Variants in FMNL2 observed in about 807,000 individuals in gnomAD.
FMNL2 encodes the protein formin-like protein 2.
FMNL2 carries 51 observed loss-of-function variants against 130.2 expected under a neutral mutation model. The observed-to-expected ratio is 0.39, with a 90% CI of 0.31 to 0.49. The LOEUF (loss-of-function observed/expected upper bound fraction) is 0.49, where lower values mean the gene tolerates loss of function less well. Ranked by LOEUF, FMNL2 falls within the 20% of genes least tolerant of loss-of-function variation. The probability of loss-of-function intolerance (pLI) is 0.85; values close to 1 mark genes in which losing one functional copy is unlikely to be tolerated. For missense variants in FMNL2, 977 were observed against 1,316.2 expected, an observed-to-expected ratio of 0.74 and a Z score of 3.99; for synonymous variants, 465 against 467.1, an observed-to-expected ratio of 1.00 and a Z score of 0.06.
At chr2:152,460,395 C>T (rs1293470204) in intron 1 of FMNL2, among the ~76,000 whole-genome samples, 2 of 152,164 alleles carry the variant, frequency 1.3e-5, no homozygotes, top group Non-Finnish European at 2.9e-5. Flanking sequence ...TACCGTATGC[C>T]TTGCTTCTGG....
intron 25 of FMNL2, among the ~76,000 whole-genome samples, chr2:152,641,918 T>C (rs910431876): frequency 2.0e-5 from 3 of 151,100 alleles, no homozygotes; most frequent in Non-Finnish European, 4.4e-5. Flanking sequence ...TTTTTAAAAA[T>C]AGAATTCCTA....
intron 1 of FMNL2, among the ~76,000 whole-genome samples, chr2:152,505,931 T>A (rs566648977): frequency 3.3e-4 from 51 of 152,348 alleles, no homozygotes; most frequent in African/African-American, 1.1e-3. Flanking sequence ...TGTTAATAAT[T>A]ATGCCAGGAC....
chr2:152,513,335 C>T (rs761780094), intron 1 of FMNL2, among the ~76,000 whole-genome samples: 5 of 152,114 alleles, frequency 3.3e-5, no homozygotes, highest in Admixed American at 6.5e-5. Flanking sequence ...ACCCTCTTAG[C>T]GAATGTTAAC....
chr2:152,436,891 A>C (rs1436502362), intron 1 of FMNL2, among the ~76,000 whole-genome samples: 1 of 152,172 alleles, frequency 6.6e-6, no homozygotes, highest in Non-Finnish European at 1.5e-5. Context: ...AAGAATCTAG[A>C]TTGGGCAATG....
intron 1 of FMNL2, among the ~76,000 whole-genome samples, chr2:152,442,190 A>G (rs777731672): frequency 2.6e-5 from 4 of 151,742 alleles, no homozygotes; most frequent in African/African-American, 4.8e-5. Flanking sequence ...TCTGAATGTT[A>G]TCAGTTCCCT....
intron 1 of FMNL2, among the ~76,000 whole-genome samples, chr2:152,506,684 G>A (rs1692190710): frequency 6.6e-6 from 1 of 152,052 alleles, no homozygotes; most frequent in African/African-American, 2.4e-5. Context: ...AACTTTTTCA[G>A]TCATAGCATC....
At chr2:152,451,208 G>A (rs1338899957) in intron 1 of FMNL2, among the ~76,000 whole-genome samples, 2 of 152,046 alleles carry the variant, frequency 1.3e-5, no homozygotes, top group Non-Finnish European at 2.9e-5. Context: ...GAGTGTGGTG[G>A]CACCATCTTG....
chr2:152,388,725 A>G (rs1684930512), intron 1 of FMNL2, among the ~76,000 whole-genome samples: 1 of 152,210 alleles, frequency 6.6e-6, no homozygotes. Flanking sequence ...ATACTATTGC[A>G]GGACCTTCTG....
chr2:152,365,650 A>G (rs767787369), intron 1 of FMNL2, among the ~76,000 whole-genome samples: 9 of 152,058 alleles, frequency 5.9e-5, no homozygotes, highest in Non-Finnish European at 1.0e-4. Context: ...GTGGACGCCT[A>G]TAATCCCAGC....
intron 9 of FMNL2, among the ~76,000 whole-genome samples, chr2:152,588,542 T>A (rs1024812580): frequency 6.6e-6 from 1 of 152,080 alleles, no homozygotes; most frequent in Non-Finnish European, 1.5e-5. Flanking sequence ...GGCAGCATAG[T>A]CAACAGGATC....
intron 25 of FMNL2, chr2:152,643,297 C>T (rs1559035999): frequency 7.3e-7 from 1 of 1,366,970 alleles, no homozygotes; most frequent in Non-Finnish European, 9.9e-7. Context: ...CCCTTTCCTG[C>T]CCATCTTCCC....
At chr2:152,609,076 C>T (rs1048777193) in intron 10 of FMNL2, among the ~76,000 whole-genome samples, 2 of 152,192 alleles carry the variant, frequency 1.3e-5, no homozygotes, top group South Asian at 4.1e-4. Flanking sequence ...TGATACCTGC[C>T]AGACCTCCTT....
chr2:152,523,476 A>G (rs1453188364), intron 2 of FMNL2, among the ~76,000 whole-genome samples: 1 of 152,346 alleles, frequency 6.6e-6, no homozygotes, highest in African/African-American at 2.4e-5. Context: ...CTCACTGAAA[A>G]AAACTTACAT....
rs1406058138 is a variant in FMNL2, at chr2:152,617,231, A to G, written c.1314+39A>G. ...TGACAACTGCCCAGATGGGCACGGTAGGGAATGTACTCCAGCTTTCGTCCA... is the reference window on the plus strand; with the variant it reads ...TGACAACTGCCCAGATGGGCACGGTGGGGAATGTACTCCAGCTTTCGTCCA... On this transcript the variant is annotated intron_variant, in intron 13 of 25. Coordinates refer to ENST00000288670, the MANE Select transcript of FMNL2 (RefSeq NM_052905.4). 3.8e-6 allele frequency: 6 copies of G among 1,577,786 alleles called. No homozygotes were observed. The African/African-American group carries it at 5.4e-5, about 14-fold the overall frequency.
chr2:152,338,820 T>TACACACACACACACACACACACACACAC (rs58367779), intron 1 of FMNL2, among the ~76,000 whole-genome samples: 4 of 148,870 alleles, frequency 2.7e-5, no homozygotes, highest in African/African-American at 1.0e-4. Context: ...GAAGGTGAGA[T>TACACACACACACACACACACACACACAC]ACACACACAC....
intron 1 of FMNL2, among the ~76,000 whole-genome samples, chr2:152,469,212 C>T (rs1477043251): frequency 6.6e-6 from 1 of 152,200 alleles, no homozygotes; most frequent in Non-Finnish European, 1.5e-5. Context: ...GCCTTCTTGT[C>T]TGCTGCTCAC....
At chr2:152,554,511 A>G (rs1406789922) in intron 4 of FMNL2, among the ~76,000 whole-genome samples, 2 of 152,248 alleles carry the variant, frequency 1.3e-5, no homozygotes, top group African/African-American at 4.8e-5. Flanking sequence ...GAAGATCAGA[A>G]TAACTCAGTA....
intron 1 of FMNL2, among the ~76,000 whole-genome samples, chr2:152,389,120 A>G (rs1332598177): frequency 1.3e-5 from 2 of 151,802 alleles, no homozygotes; most frequent in Non-Finnish European, 2.9e-5. Context: ...TTTTTTCTAT[A>G]AAGCCTAACA....
At chr2:152,350,289 G>T (rs960873543) in intron 1 of FMNL2, among the ~76,000 whole-genome samples, 1 of 152,214 alleles carries the variant, frequency 6.6e-6, no homozygotes, top group East Asian at 1.9e-4. Flanking sequence ...CAGCATATGG[G>T]ATATACTCAG....
Sources: allele counts gnomAD v4.1 joint callset (sites outside exome capture counted in the v4.1 genomes callset), GRCh38; gene constraint gnomAD v4.1.1; transcripts MANE v1.5; gene names NCBI Gene and HGNC (gene_info 2026-07-23, HGNC 2026-07-21).